The following NELL2 variants were observed in gnomAD, a reference collection of about 807,000 sequenced individuals.
NELL2 encodes neural EGFL like 2, also known as protein kinase C-binding protein NELL2.
In NELL2, 41 loss-of-function variants were observed where a neutral mutation model predicts 109.6. The observed-to-expected ratio is 0.37, with a 90% confidence interval of 0.29 to 0.49. The LOEUF (loss-of-function observed/expected upper bound fraction) is 0.49, where lower values mean the gene tolerates loss of function less well. Ranked by LOEUF, NELL2 falls within the 20% of genes least tolerant of loss-of-function variation. The probability of loss-of-function intolerance (pLI) is 0.98; values close to 1 mark genes in which losing one functional copy is unlikely to be tolerated. For missense variants in NELL2, 900 were observed against 1,008.3 expected, an observed-to-expected ratio of 0.89 and a Z score of 1.45; for synonymous variants, 355 against 344.7, an observed-to-expected ratio of 1.03 and a Z score of -0.33.
At chr12:44,588,527 C>A (rs138249089) in intron 15 of NELL2, among the ~76,000 whole-genome samples, 1 of 152,098 alleles carries the variant, frequency 6.6e-6, no homozygotes, top group African/African-American at 2.4e-5. Context: ...TGCCACAGTA[C>A]GCTGCAGATG....
At chr12:44,690,728 C>G (rs1337863331) in intron 12 of NELL2, among the ~76,000 whole-genome samples, 2 of 152,136 alleles carry the variant, frequency 1.3e-5, no homozygotes, top group Admixed American at 1.3e-4. Context: ...TTGCTCATGA[C>G]TATATGACCA....
intron 15 of NELL2, among the ~76,000 whole-genome samples, chr12:44,572,539 G>T (rs1943913512): frequency 6.6e-6 from 1 of 152,068 alleles, no homozygotes; most frequent in African/African-American, 2.4e-5. Context: ...AACATACTAG[G>T]AATTTATTTT....
intron 9 of NELL2, among the ~76,000 whole-genome samples, chr12:44,752,124 C>G (rs1656637522): frequency 6.6e-6 from 1 of 152,188 alleles, no homozygotes; most frequent in African/African-American, 2.4e-5. Flanking sequence ...TGTTATGCTG[C>G]CATTCTACTT....
chr12:44,889,780 G>T (rs148262191), intron 1 of NELL2, among the ~76,000 whole-genome samples: 1 of 152,024 alleles, frequency 6.6e-6, no homozygotes, highest in Non-Finnish European at 1.5e-5. Context: ...CTCTGCTACC[G>T]TCAAAAATAA....
In NELL2 at chr12:44,826,233, A is replaced by G. The variant is rs111387097; in HGVS notation, c.185-10097T>C. ...CCCACTGCAGTGTGTAGAAACCCCC[A>G]TATAACCAGACTAATAAAAATACAA... On this transcript the variant is annotated intron_variant, in intron 2 of 19. Transcript: ENST00000429094. 6.0e-3 allele frequency among the ~76,000 whole-genome samples: 916 copies of G among 152,280 alleles called. 6 individuals carry two copies. The highest frequency in any genetic ancestry group is 0.021 in the African/African-American group (872 of 41,552).
At chr12:44,618,569 A>G (rs936881953) in intron 13 of NELL2, among the ~76,000 whole-genome samples, 4 of 152,220 alleles carry the variant, frequency 2.6e-5, no homozygotes, top group African/African-American at 9.7e-5. Flanking sequence ...ATAGGGCAAT[A>G]AAAATCTTGT....
At chr12:44,822,535 G>C (rs1326190806) in intron 2 of NELL2, among the ~76,000 whole-genome samples, 1 of 152,172 alleles carries the variant, frequency 6.6e-6, no homozygotes, top group South Asian at 2.1e-4. Context: ...CTGAAGCAGG[G>C]ACAAAGATCA....
intron 2 of NELL2, among the ~76,000 whole-genome samples, chr12:44,862,300 A>G (rs1451061485): frequency 1.3e-5 from 2 of 152,218 alleles, no homozygotes; most frequent in African/African-American, 2.4e-5. Flanking sequence ...TTTAGAAACA[A>G]AAGACATCAT....
rs1389962998 is a variant in NELL2, at chr12:44,781,125, C to A, written c.336-1103G>T. On this transcript the variant is annotated intron_variant, in intron 3 of 19. Transcript: ENST00000429094. Reference sequence around the variant, plus strand: ...AACAAATATTTTACAGCAGCACTGACAAAAACAATTATGAAAAGACTTAAA... The same window carrying A: ...AACAAATATTTTACAGCAGCACTGAAAAAAACAATTATGAAAAGACTTAAA... Among the ~76,000 whole-genome samples the A allele has an allele frequency of 1.2e-4, 18 of 148,202 alleles. No homozygotes were observed. In the Admixed American group the frequency reaches 1.2e-3, roughly 10 times the overall value.
At chr12:44,732,702 G>A (rs547504352) in intron 9 of NELL2, among the ~76,000 whole-genome samples, 12 of 151,976 alleles carry the variant, frequency 7.9e-5, no homozygotes, top group South Asian at 6.2e-4. Context: ...ATAGAGAAAC[G>A]GGACTACAAC....
At chr12:44,677,153 C>T (rs187997085) in intron 12 of NELL2, among the ~76,000 whole-genome samples, 4 of 151,880 alleles carry the variant, frequency 2.6e-5, no homozygotes, top group East Asian at 1.9e-4. Flanking sequence ...AGACTATATG[C>T]GAAGAATGTT....
chr12:44,511,903 C>T (rs1941016520), intron 19 of NELL2, among the ~76,000 whole-genome samples: 1 of 152,100 alleles, frequency 6.6e-6, no homozygotes, highest in Non-Finnish European at 1.5e-5. Context: ...AAGACAAATG[C>T]TTCAGGACAC....
At chr12:44,608,119 C>T (rs1945470967) in intron 14 of NELL2, among the ~76,000 whole-genome samples, 1 of 152,054 alleles carries the variant, frequency 6.6e-6, no homozygotes, top group African/African-American at 2.4e-5. Flanking sequence ...TTGGCTTATT[C>T]TTTGGCTCTG....
chr12:44,701,240 G>C (rs944859887), intron 12 of NELL2, among the ~76,000 whole-genome samples: 2 of 151,888 alleles, frequency 1.3e-5, no homozygotes, highest in Non-Finnish European at 2.9e-5. Context: ...AATAACAAAA[G>C]ATATATTAGA....
At chr12:44,862,621 T>A (rs1378215643) in intron 2 of NELL2, among the ~76,000 whole-genome samples, 1 of 152,190 alleles carries the variant, frequency 6.6e-6, no homozygotes, top group Non-Finnish European at 1.5e-5. Flanking sequence ...TTATGCAAAA[T>A]TCAATGAGTG....
At chr12:44,827,411 G>GTTTTTTTT (rs35241789) in intron 2 of NELL2, among the ~76,000 whole-genome samples, 1 of 126,646 alleles carries the variant, frequency 7.9e-6, no homozygotes. Context: ...TCTTCTAACT[G>GTTTTTTTT]TTTTTTTTTT....
intron 9 of NELL2, among the ~76,000 whole-genome samples, chr12:44,766,843 C>T (rs570913313): frequency 2.8e-4 from 42 of 152,270 alleles, no homozygotes; most frequent in African/African-American, 1.0e-3. Context: ...TCTGAAAAGT[C>T]TTTGGTCACT....
intron 13 of NELL2, among the ~76,000 whole-genome samples, chr12:44,616,444 G>A (rs1452445297): frequency 6.6e-6 from 1 of 151,930 alleles, no homozygotes; most frequent in African/African-American, 2.4e-5. Context: ...TAGCAGATAT[G>A]GCCCTAAACA....
At chr12:44,631,808 A>T (rs187374393) in intron 13 of NELL2, among the ~76,000 whole-genome samples, 1 of 152,198 alleles carries the variant, frequency 6.6e-6, no homozygotes, top group Admixed American at 6.5e-5. Context: ...AAGATGAGAG[A>T]CCATTTCTCA....
Sources: gnomAD v4.1 joint callset for allele counts (sites outside exome capture counted in the v4.1 genomes callset) on GRCh38, gnomAD v4.1.1 for gene constraint, MANE v1.5 for transcripts, NCBI Gene and HGNC (gene_info 2026-07-23, HGNC 2026-07-21) for gene names.